DLGAP2: variants seen among roughly 807,000 people sequenced by gnomAD.
The protein encoded by DLGAP2 is disks large-associated protein 2.
DLGAP2 carries 26 observed loss-of-function variants against 100.3 expected under a neutral mutation model. That is an observed-to-expected ratio of 0.26 (90% CI 0.19 to 0.36). DLGAP2 has a LOEUF of 0.36. Ranked by LOEUF, DLGAP2 falls within the 10% of genes least tolerant of loss-of-function variation. The pLI is 1.00. For missense variants in DLGAP2, 1,858 were observed against 1,453.2 expected (o/e 1.28, Z -4.53); for synonymous variants, 886 against 630.1 (o/e 1.41, Z -6.08).
intron 4 of DLGAP2, among the ~76,000 whole-genome samples, chr8:1,517,121 G>A (rs975572612): frequency 1.4e-4 from 22 of 152,280 alleles, no homozygotes; most frequent in African/African-American, 5.1e-4. Flanking sequence ...TCCCCAGGTT[G>A]AAGACATGAG....
intron 3 of DLGAP2, among the ~76,000 whole-genome samples, chr8:1,426,365 C>T (rs983381738): frequency 3.9e-5 from 6 of 152,010 alleles, no homozygotes; most frequent in African/African-American, 1.2e-4. Flanking sequence ...GCTGAGTTGC[C>T]CACGAGAACA....
At chr8:1,356,066 C>A (rs964800971) in intron 3 of DLGAP2, among the ~76,000 whole-genome samples, 1 of 152,214 alleles carries the variant, frequency 6.6e-6, no homozygotes, top group Non-Finnish European at 1.5e-5. Context: ...GGGCGGCCCT[C>A]ACACTACGCC....
At chr8:1,514,514 C>T (rs566770646) in intron 4 of DLGAP2, among the ~76,000 whole-genome samples, 4 of 152,320 alleles carry the variant, frequency 2.6e-5, no homozygotes, top group South Asian at 2.1e-4. Context: ...ATATGAATAG[C>T]GTTAATATTT....
rs1283917719 is a variant in DLGAP2, at chr8:1,267,369, C to T, written c.106+8486C>T. On this transcript the variant is annotated intron_variant, in intron 3 of 14. Transcript: ENST00000637795. ...TCACTTGAGGTCAGGAGCTTGAGAC[C>T]AGTCTGACCAACATGGTGAAACCCC... Among the ~76,000 whole-genome samples, 6 of 151,040 alleles carry T rather than the reference C, an allele frequency of 4.0e-5. No homozygotes were observed. The South Asian group carries it at 8.3e-4, about 21-fold the overall frequency.
rs1036746340 is a variant in DLGAP2 at position 1,707,643 on chromosome 8, A to G, written c.*6237A>G. The G allele has an allele frequency of 1.3e-5, 2 of 152,120 alleles. No homozygotes were observed. Among genetic ancestry groups the G allele is most frequent in the African/African-American group, 4.8e-5 (2 of 41,420 alleles). 9.4% of individuals were successfully genotyped at this position (152,120 alleles called of 1,614,324 possible). On this transcript the variant is annotated 3_prime_UTR_variant, in exon 15 of 15. Coordinates refer to ENST00000637795, the MANE Select transcript of DLGAP2 (RefSeq NM_001346810.2). ...CAGGTCCTCCCTGCAGAGAGAGACA[A>G]CTCATCCCCCGACCTTCCATACTAC...
chr8:1,680,927 G>C lies in DLGAP2; in HGVS notation c.2704+2298G>C, dbSNP rs537558824. 3.3e-5 allele frequency: 5 copies of C among 152,350 alleles called. No individual in the cohort carries two copies. The South Asian group carries it at 1.0e-3, about 32-fold the overall frequency. 9.4% of individuals were successfully genotyped at this position (152,350 alleles called of 1,614,324 possible). On this transcript the variant is annotated intron_variant, in intron 12 of 14. Transcript: ENST00000637795. Reference sequence around the variant, plus strand: ...ATGCTGACAGGGGCAGCGTAGGGCTGGGGTGCCTTCCTTCCAGGATGAGAG... The same window carrying C: ...ATGCTGACAGGGGCAGCGTAGGGCTCGGGTGCCTTCCTTCCAGGATGAGAG...
intron 3 of DLGAP2, among the ~76,000 whole-genome samples, chr8:1,444,413 G>A (rs138640101): frequency 0.012 from 1,842 of 152,306 alleles, 45 homozygotes; most frequent in African/African-American, 0.043. Context: ...ATTTCTGGAG[G>A]TCAGTGTCTA....
At chr8:1,429,030 T>A (rs545771141) in intron 3 of DLGAP2, among the ~76,000 whole-genome samples, 2 of 152,326 alleles carry the variant, frequency 1.3e-5, no homozygotes, top group South Asian at 4.1e-4. Flanking sequence ...GTTCATAAAT[T>A]GGGCAGCACC....
intron 2 of DLGAP2, among the ~76,000 whole-genome samples, chr8:999,263 C>T (rs1030850095): frequency 6.6e-6 from 1 of 151,654 alleles, no homozygotes; most frequent in Non-Finnish European, 1.5e-5. Flanking sequence ...TGGTGTTGTC[C>T]TTTGCTGCTG....
chr8:1,644,197 C>T (rs1585027446), intron 8 of DLGAP2, among the ~76,000 whole-genome samples: 1 of 152,250 alleles, frequency 6.6e-6, no homozygotes, highest in Admixed American at 6.5e-5. Context: ...AGGGGCCTGG[C>T]AGGACTTCCC....
At chr8:1,526,893 G>A (rs539192493) in intron 4 of DLGAP2, among the ~76,000 whole-genome samples, 56 of 152,344 alleles carry the variant, frequency 3.7e-4, no homozygotes, top group African/African-American at 1.3e-3. Flanking sequence ...AGGGGGCGGT[G>A]GCTTTGCCAC....
At chr8:1,208,896 A>ATAAG (rs1192038518) in intron 2 of DLGAP2, among the ~76,000 whole-genome samples, 20 of 151,286 alleles carry the variant, frequency 1.3e-4, no homozygotes, top group African/African-American at 4.8e-4. Context: ...AAATAAATAA[A>ATAAG]TAAATAAATA....
chr8:1,439,177 TG>T, intron 3 of DLGAP2, among the ~76,000 whole-genome samples: 1 of 151,952 alleles, frequency 6.6e-6, no homozygotes, highest in East Asian at 1.9e-4. Flanking sequence ...AGAGAATGAA[TG>T]AAAAGCATAG....
intron 1 of DLGAP2, among the ~76,000 whole-genome samples, chr8:848,765 C>T (rs1400552959): frequency 4.8e-5 from 7 of 145,532 alleles, no homozygotes; most frequent in African/African-American, 5.1e-5. Flanking sequence ...TCGTGCGGTG[C>T]GTGTTCCAGT....
intron 1 of DLGAP2, chr8:822,077 C>G (rs1409907069): frequency 7.5e-6 from 3 of 399,008 alleles, no homozygotes; most frequent in Non-Finnish European, 1.3e-5. Context: ...CCATCTCTAT[C>G]CATTCCTCAC....
intron 2 of DLGAP2, among the ~76,000 whole-genome samples, chr8:1,214,817 C>G (rs896647540): frequency 6.6e-6 from 1 of 152,248 alleles, no homozygotes; most frequent in Admixed American, 6.5e-5. Flanking sequence ...TTGACTTCCA[C>G]ATAACATTCT....
intron 4 of DLGAP2, among the ~76,000 whole-genome samples, chr8:1,538,258 C>G (rs144577731): frequency 2.6e-5 from 4 of 152,194 alleles, no homozygotes; most frequent in African/African-American, 4.8e-5. Flanking sequence ...ATACACTTAA[C>G]TAATTAAAAT....
chr8:921,655 A>G (rs1798718219), intron 2 of DLGAP2, among the ~76,000 whole-genome samples: 2 of 152,218 alleles, frequency 1.3e-5, no homozygotes, highest in Admixed American at 6.5e-5. Flanking sequence ...CAGCTGTTAC[A>G]GATGCTGTTC....
chr8:1,122,896 A>T (rs1036085162), intron 2 of DLGAP2, among the ~76,000 whole-genome samples: 9 of 152,196 alleles, frequency 5.9e-5, no homozygotes, highest in Admixed American at 2.0e-4. Flanking sequence ...ATGGAATCAT[A>T]GGAGCTCTGG....
Sources: gnomAD v4.1 joint callset for allele counts (sites outside exome capture counted in the v4.1 genomes callset) on GRCh38, gnomAD v4.1.1 for gene constraint, MANE v1.5 for transcripts, NCBI Gene and HGNC (gene_info 2026-07-23, HGNC 2026-07-21) for gene names.